The following GALNTL6 variants were observed in gnomAD, a reference collection of about 807,000 sequenced individuals.
The protein encoded by GALNTL6 is polypeptide N-acetylgalactosaminyltransferase like 6.
Under a neutral mutation model 73.7 loss-of-function variants are expected in GALNTL6, and 46 were observed. That is an observed-to-expected ratio of 0.62 (90% CI 0.49 to 0.80). The LOEUF (loss-of-function observed/expected upper bound fraction) is 0.80, where lower values mean the gene tolerates loss of function less well. Ranked by LOEUF, GALNTL6 falls within the 30% of genes least tolerant of loss-of-function variation. The probability of loss-of-function intolerance (pLI) is 0.00; values close to 1 mark genes in which losing one functional copy is unlikely to be tolerated. For synonymous variants in GALNTL6, 259 were observed against 263.7 expected (o/e 0.98, Z 0.17); for missense variants, 604 against 755.0 (o/e 0.80, Z 2.34).
At chr4:172,731,649 G>A (rs1468595983) in intron 5 of GALNTL6, among the ~76,000 whole-genome samples, 2 of 151,856 alleles carry the variant, frequency 1.3e-5, no homozygotes, top group African/African-American at 4.8e-5. Context: ...TTGTTAATTT[G>A]AAGTCTTTCT....
At chr4:172,233,304 CG>C (rs1737136562) in intron 3 of GALNTL6, among the ~76,000 whole-genome samples, 1 of 151,532 alleles carries the variant, frequency 6.6e-6, no homozygotes, top group Non-Finnish European at 1.5e-5. Flanking sequence ...GCCTGGAATT[CG>C]AGGCTGCAGT....
intron 2 of GALNTL6, among the ~76,000 whole-genome samples, chr4:172,015,123 A>T (rs894054004): frequency 2.6e-5 from 4 of 152,098 alleles, no homozygotes; most frequent in African/African-American, 9.7e-5. Flanking sequence ...TTCTGTTTTC[A>T]TGACCTATCT....
intron 2 of GALNTL6, among the ~76,000 whole-genome samples, chr4:172,116,853 T>C (rs551625599): frequency 4.5e-4 from 69 of 152,294 alleles, no homozygotes; most frequent in Middle Eastern, 6.8e-3. Context: ...GAAGCAAATA[T>C]AAGCTTTTTG....
chr4:172,306,114 C>T (rs1740128745), intron 3 of GALNTL6, among the ~76,000 whole-genome samples: 1 of 152,014 alleles, frequency 6.6e-6, no homozygotes, highest in Non-Finnish European at 1.5e-5. Context: ...GTTGGCCGGG[C>T]GTGGTGGCTC....
chr4:172,647,349 T>C (rs1740285980), intron 5 of GALNTL6, among the ~76,000 whole-genome samples: 1 of 152,132 alleles, frequency 6.6e-6, no homozygotes, highest in Non-Finnish European at 1.5e-5. Flanking sequence ...TCAGTCTTCA[T>C]GTATTATATC....
intron 5 of GALNTL6, among the ~76,000 whole-genome samples, chr4:172,479,654 A>G (rs338022): frequency 1 from 152,147 of 152,314 alleles, 75,990 homozygotes; most frequent in Middle Eastern, 1. Flanking sequence ...ACTTCACCAC[A>G]ATACAATCTA....
chr4:172,397,125 T>G (rs1743876801), intron 5 of GALNTL6, among the ~76,000 whole-genome samples: 1 of 152,160 alleles, frequency 6.6e-6, no homozygotes, highest in Non-Finnish European at 1.5e-5. Context: ...TGAGAGATAG[T>G]CTATATGCTT....
At chr4:172,012,391 C>A (rs185388366) in intron 2 of GALNTL6, among the ~76,000 whole-genome samples, 335 of 150,678 alleles carry the variant, frequency 2.2e-3, no homozygotes, top group Admixed American at 3.9e-3. Context: ...TAGTGTTTTC[C>A]TAGGGTGAAA....
chr4:172,087,339 G>A (rs1347720181), intron 2 of GALNTL6, among the ~76,000 whole-genome samples: 1 of 151,634 alleles, frequency 6.6e-6, no homozygotes, highest in Non-Finnish European at 1.5e-5. Context: ...CAGCTACTCG[G>A]GAGGCTGAGG....
chr4:172,996,341 G>A (rs1427022986), intron 10 of GALNTL6, among the ~76,000 whole-genome samples: 1 of 152,070 alleles, frequency 6.6e-6, no homozygotes, highest in African/African-American at 2.4e-5. Flanking sequence ...TAAATGATGA[G>A]AACACATGGA....
chr4:172,124,302 C>G (rs1327368180), intron 2 of GALNTL6, among the ~76,000 whole-genome samples: 4 of 152,128 alleles, frequency 2.6e-5, no homozygotes. Context: ...ATGTAATGAT[C>G]TAATATCTCT....
intron 5 of GALNTL6, among the ~76,000 whole-genome samples, chr4:172,607,184 C>T (rs769961559): frequency 4.4e-4 from 67 of 152,160 alleles, no homozygotes; most frequent in Non-Finnish European, 9.0e-4. Context: ...ATTTATGGAC[C>T]TATACTTTAA....
At chr4:172,206,928 G>A (rs531379451) in intron 2 of GALNTL6, among the ~76,000 whole-genome samples, 2 of 148,262 alleles carry the variant, frequency 1.3e-5, no homozygotes, top group Non-Finnish European at 3.0e-5. Flanking sequence ...GGCTATTCTC[G>A]TGCCTCAGCC....
intron 5 of GALNTL6, among the ~76,000 whole-genome samples, chr4:172,529,978 G>A (rs1028843936): frequency 1.3e-5 from 2 of 151,078 alleles, no homozygotes; most frequent in Non-Finnish European, 2.9e-5. Flanking sequence ...CTGACCTCAG[G>A]TGATCCACCC....
At position 172,363,246 on chromosome 4, in the gene GALNTL6, A is replaced by G. The variant is rs142653672; in HGVS notation, c.553+14557A>G. Among the ~76,000 whole-genome samples the G allele has an allele frequency of 3.1e-3, 467 of 152,274 alleles. 2 individuals are homozygous for G. Among genetic ancestry groups the G allele is most frequent in the African/African-American group, 6.4e-3 (264 of 41,572 alleles). On this transcript the variant is annotated intron_variant, in intron 5 of 12. Coordinates refer to ENST00000506823, the MANE Select transcript of GALNTL6 (RefSeq NM_001034845.3). ...TTTTCACTATCTGAAATGTGTCTCT[A>G]TAACGGTTCCCTTCTTTCTGTGTTT...
At chr4:172,329,861 G>C (rs1213497029) in intron 4 of GALNTL6, among the ~76,000 whole-genome samples, 2 of 152,186 alleles carry the variant, frequency 1.3e-5, no homozygotes, top group African/African-American at 4.8e-5. Flanking sequence ...CAGCCAGGAG[G>C]TCCCACTTAC....
intron 2 of GALNTL6, among the ~76,000 whole-genome samples, chr4:171,979,844 A>G (rs1361351913): frequency 2.0e-5 from 3 of 152,132 alleles, no homozygotes; most frequent in Non-Finnish European, 2.9e-5. Flanking sequence ...ATCTGCCAGC[A>G]TAAATACTAT....
chr4:172,846,778 CTGA>C (rs1036325828), intron 7 of GALNTL6, among the ~76,000 whole-genome samples: 1 of 152,142 alleles, frequency 6.6e-6, no homozygotes, highest in Non-Finnish European at 1.5e-5. Context: ...GCAGGCACTA[CTGA>C]TGAACAGGAA....
chr4:172,456,058 G>A (rs965186970), intron 5 of GALNTL6, among the ~76,000 whole-genome samples: 1 of 152,274 alleles, frequency 6.6e-6, no homozygotes, highest in South Asian at 2.1e-4. Flanking sequence ...CAGGTAAACA[G>A]GGTCTGGAGT....
Sources: gnomAD v4.1 joint callset for allele counts (sites outside exome capture counted in the v4.1 genomes callset) on GRCh38, gnomAD v4.1.1 for gene constraint, MANE v1.5 for transcripts, NCBI Gene and HGNC (gene_info 2026-07-23, HGNC 2026-07-21) for gene names.